The following MAPK10 variants were observed in gnomAD, a reference collection of about 807,000 sequenced individuals.
MAPK10 encodes JNK3 alpha protein kinase.
MAPK10 carries 25 observed loss-of-function variants against 59.3 expected under a neutral mutation model. The ratio of observed to expected loss-of-function variants is 0.42; its 90% CI spans 0.31 to 0.59. The LOEUF (loss-of-function observed/expected upper bound fraction) is 0.59, where lower values mean the gene tolerates loss of function less well. Ranked by LOEUF, MAPK10 falls within the 20% of genes least tolerant of loss-of-function variation. MAPK10 has a pLI of 0.15. For synonymous variants in MAPK10, 190 were observed against 200.5 expected (o/e 0.95, Z 0.44); for missense variants, 351 against 568.9 (o/e 0.62, Z 3.90).
chr4:86,369,788 A>G (rs764827754), intron 1 of MAPK10, among the ~76,000 whole-genome samples: 23 of 152,224 alleles, frequency 1.5e-4, no homozygotes, highest in Non-Finnish European at 3.1e-4. Flanking sequence ...CAAGATAATT[A>G]AAACATTTTT....
chr4:86,193,880 C>T (rs112786295), intron 3 of MAPK10: 2,634 of 162,118 alleles, frequency 0.016, 99 homozygotes, highest in African/African-American at 0.059. Flanking sequence ...AGGACCCTTG[C>T]GGTGTAGACA....
intron 1 of MAPK10, among the ~76,000 whole-genome samples, chr4:86,557,301 A>G (rs1386552084): frequency 6.6e-6 from 1 of 151,908 alleles, no homozygotes; most frequent in African/African-American, 2.4e-5. Context: ...TAAAATAACA[A>G]CCTCCCAAGT....
intron 3 of MAPK10, among the ~76,000 whole-genome samples, chr4:86,169,689 A>G (rs1217013839): frequency 6.6e-6 from 1 of 151,848 alleles, no homozygotes; most frequent in Non-Finnish European, 1.5e-5. Context: ...GCAGGCCAAC[A>G]TTCAGATTCA....
intron 4 of MAPK10, among the ~76,000 whole-genome samples, chr4:86,135,328 G>C (rs191805200): frequency 1.3e-5 from 2 of 152,326 alleles, no homozygotes; most frequent in African/African-American, 2.4e-5. Context: ...CCAGCATACA[G>C]CTGGAGATCT....
At chr4:86,096,281 A>T (rs945276299) in intron 9 of MAPK10, among the ~76,000 whole-genome samples, 2 of 151,838 alleles carry the variant, frequency 1.3e-5, no homozygotes, top group East Asian at 1.9e-4. Flanking sequence ...AACTAGGATT[A>T]AAAAAGGTGG....
intron 1 of MAPK10, chr4:86,399,819 G>A (rs1033097838): frequency 6.6e-6 from 1 of 152,176 alleles, no homozygotes; most frequent in African/African-American, 2.4e-5. Context: ...AGTGCAAGGA[G>A]AACATAGAGG....
intron 2 of MAPK10, among the ~76,000 whole-genome samples, chr4:86,214,019 G>C (rs1223195053): frequency 6.6e-6 from 1 of 151,984 alleles, no homozygotes; most frequent in East Asian, 1.9e-4. Flanking sequence ...ACACATTAAA[G>C]GGATTATATA....
intron 2 of MAPK10, among the ~76,000 whole-genome samples, chr4:86,307,743 T>G (rs183974843): frequency 6.6e-6 from 1 of 152,054 alleles, no homozygotes; most frequent in African/African-American, 2.4e-5. Context: ...TAATAGGGAA[T>G]AGTAGAGTGG....
At chr4:86,064,412 A>G (rs762707035) in intron 10 of MAPK10, 22 bp from the exon 11 acceptor site, 1 of 1,611,744 alleles carries the variant, frequency 6.2e-7, no homozygotes, top group South Asian at 1.1e-5. Flanking sequence ...AATGAGAAAA[A>G]CAATTAGTAA....
At chr4:86,514,688 G>A (rs971885971) in intron 1 of MAPK10, among the ~76,000 whole-genome samples, 3 of 152,154 alleles carry the variant, frequency 2.0e-5, no homozygotes, top group Admixed American at 1.3e-4. Flanking sequence ...TTACTGCTAG[G>A]AGGAAGTAAG....
At chr4:86,414,358 A>G (rs1745592496) in intron 1 of MAPK10, among the ~76,000 whole-genome samples, 1 of 152,154 alleles carries the variant, frequency 6.6e-6, no homozygotes, top group African/African-American at 2.4e-5. Context: ...TTTGAGCACT[A>G]TTCATGGCTC....
At chr4:86,214,511 T>TAAAAAAAAA (rs70948783) in intron 2 of MAPK10, among the ~76,000 whole-genome samples, 1 of 75,974 alleles carries the variant, frequency 1.3e-5, no homozygotes, top group Non-Finnish European at 2.6e-5. Flanking sequence ...TAAGATTCCT[T>TAAAAAAAAA]AAAAAAAAAA....
At chr4:86,053,206 T>C (rs1440636433) in intron 11 of MAPK10, among the ~76,000 whole-genome samples, 1 of 152,164 alleles carries the variant, frequency 6.6e-6, no homozygotes, top group Non-Finnish European at 1.5e-5. Context: ...GTATAATAAT[T>C]AACATCCAGG....
At chr4:86,022,457 T>C (rs915356505) in intron 13 of MAPK10, among the ~76,000 whole-genome samples, 3 of 152,198 alleles carry the variant, frequency 2.0e-5, no homozygotes, top group African/African-American at 7.2e-5. Context: ...CTTTTTATTA[T>C]TGAGTTGTAA....
chr4:86,076,189 G>A (rs535262717), intron 9 of MAPK10, among the ~76,000 whole-genome samples: 3 of 152,244 alleles, frequency 2.0e-5, no homozygotes, highest in South Asian at 4.1e-4. Context: ...TCTTTGACTC[G>A]GAAAGGGAAC....
At chr4:86,518,270 G>A (rs149552409) in intron 1 of MAPK10, among the ~76,000 whole-genome samples, 1,613 of 152,280 alleles carry the variant, frequency 0.011, 17 homozygotes, top group Non-Finnish European at 0.018. Context: ...TGATCTGCCC[G>A]CCTTGGCCTC....
At chr4:86,307,924 G>A (rs1198381487) in intron 2 of MAPK10, among the ~76,000 whole-genome samples, 1 of 152,160 alleles carries the variant, frequency 6.6e-6, no homozygotes, top group Non-Finnish European at 1.5e-5. Flanking sequence ...GTCAAGGCAA[G>A]AAGCAATGAA....
chr4:86,194,305 G>A (rs775494204), intron 3 of MAPK10, 31 bp downstream of exon 3: 1 of 1,566,204 alleles, frequency 6.4e-7, no homozygotes, highest in Non-Finnish European at 8.8e-7. Flanking sequence ...GGAATATACT[G>A]TACCTTGTTT....
rs550391464 is a variant in MAPK10, at chr4:86,346,228, C to T, written c.-7+8302G>A. Reference sequence around the variant, plus strand: ...CATATGACATGATATAAAGGTGTCACAAGCTATCTTCACTGGATTGATTCC... The same window carrying T: ...CATATGACATGATATAAAGGTGTCATAAGCTATCTTCACTGGATTGATTCC... On this transcript the variant is annotated intron_variant, in intron 2 of 13. Coordinates refer to ENST00000641462, the MANE Select transcript of MAPK10 (RefSeq NM_138982.4). 3.3e-5 allele frequency among the ~76,000 whole-genome samples: 5 copies of T among 152,272 alleles called. No homozygotes were observed. The South Asian group carries it at 1.0e-3, about 32-fold the overall frequency.
Sources: gnomAD v4.1 joint callset for allele counts (sites outside exome capture counted in the v4.1 genomes callset) on GRCh38, gnomAD v4.1.1 for gene constraint, MANE v1.5 for transcripts, NCBI Gene and HGNC (gene_info 2026-07-23, HGNC 2026-07-21) for gene names.